CLNK: variants seen among roughly 807,000 people sequenced by gnomAD.
The protein encoded by CLNK is cytokine-dependent hematopoietic cell linker.
Under a neutral mutation model 68.6 loss-of-function variants are expected in CLNK, and 74 were observed. That is an observed-to-expected ratio of 1.08 (90% CI 0.89 to 1.31). The LOEUF (loss-of-function observed/expected upper bound fraction) is 1.31, where lower values mean the gene tolerates loss of function less well. CLNK is among the 50% of genes most tolerant of loss of function. CLNK has a pLI of 0.00. For missense variants in CLNK, 553 were observed against 515.3 expected, an observed-to-expected ratio of 1.07 and a Z score of -0.71; for synonymous variants, 198 against 172.2, an observed-to-expected ratio of 1.15 and a Z score of -1.17.
At chr4:10,634,221 G>T (rs1722994618) in intron 2 of CLNK, among the ~76,000 whole-genome samples, 5 of 152,206 alleles carry the variant, frequency 3.3e-5, no homozygotes, top group Admixed American at 3.3e-4. Flanking sequence ...GAGCCTAGGG[G>T]AGGAAGGTTA....
At chr4:10,521,525 G>A (rs906448758) in intron 14 of CLNK, among the ~76,000 whole-genome samples, 7 of 152,142 alleles carry the variant, frequency 4.6e-5, no homozygotes, top group Non-Finnish European at 1.0e-4. Flanking sequence ...CATGAGTGAT[G>A]CTCTATTCCA....
chr4:10,607,762 A>G (rs1266179795), intron 2 of CLNK, among the ~76,000 whole-genome samples: 2 of 152,216 alleles, frequency 1.3e-5, no homozygotes, highest in South Asian at 2.1e-4. Context: ...GTCCAGGGAC[A>G]GCCAGCTGAA....
intron 18 of CLNK, among the ~76,000 whole-genome samples, chr4:10,494,405 CTT>C (rs1450818853): frequency 1.3e-5 from 2 of 151,376 alleles, no homozygotes; most frequent in South Asian, 2.1e-4. Context: ...GAAATTGTAA[CTT>C]TAACAGGTAG....
At chr4:10,594,772 A>G (rs1674195701) in intron 3 of CLNK, among the ~76,000 whole-genome samples, 1 of 152,182 alleles carries the variant, frequency 6.6e-6, no homozygotes, top group Non-Finnish European at 1.5e-5. Context: ...ATACATACAT[A>G]TACATATACA....
chr4:10,565,123 C>T (rs970631432), intron 6 of CLNK, among the ~76,000 whole-genome samples: 1 of 152,072 alleles, frequency 6.6e-6, no homozygotes, highest in Non-Finnish European at 1.5e-5. Context: ...TTCTATATTA[C>T]ACACTTAGCA....
At chr4:10,491,634 GAC>G (rs34046043) in intron 18 of CLNK, among the ~76,000 whole-genome samples, 34,124 of 152,070 alleles carry the variant, frequency 0.22, 4,260 homozygotes, top group Middle Eastern at 0.28. Context: ...CTTTGTCAAG[GAC>G]ACAGACTTGA....
At chr4:10,611,492 G>T in intron 2 of CLNK, among the ~76,000 whole-genome samples, 1 of 66,580 alleles carries the variant, frequency 1.5e-5, no homozygotes, top group South Asian at 7.4e-4. Flanking sequence ...GGGAGGCTAA[G>T]TCTGAAAAAA....
chr4:10,569,340 C>T (rs764950673), intron 5 of CLNK, among the ~76,000 whole-genome samples: 3 of 152,008 alleles, frequency 2.0e-5, no homozygotes, highest in Non-Finnish European at 4.4e-5. Context: ...AGAGTTCTCT[C>T]TCTCTCTTTC....
intron 12 of CLNK, among the ~76,000 whole-genome samples, chr4:10,529,268 T>C (rs1718437525): frequency 6.6e-6 from 1 of 152,190 alleles, no homozygotes; most frequent in South Asian, 2.1e-4. Context: ...TCTGGGGAGA[T>C]AAAGGTTTAT....
At chr4:10,510,293 T>C (rs934190155) in intron 16 of CLNK, among the ~76,000 whole-genome samples, 3 of 152,148 alleles carry the variant, frequency 2.0e-5, no homozygotes, top group African/African-American at 7.2e-5. Flanking sequence ...AAAAGGAATG[T>C]TTCATTTTGG....
chr4:10,722,036 A>G, the CLNK span, among the ~76,000 whole-genome samples: 1 of 152,130 alleles, frequency 6.6e-6, no homozygotes, highest in South Asian at 2.1e-4. Flanking sequence ...TAGCCAGGCA[A>G]GGTGGCATAC....
chr4:10,541,790 A>G (rs1442545147), intron 10 of CLNK, among the ~76,000 whole-genome samples: 1 of 152,168 alleles, frequency 6.6e-6, no homozygotes, highest in African/African-American at 2.4e-5. Context: ...GTGAAGGTAT[A>G]TTGAATAGAT....
At chr4:10,517,906 T>G (rs1717901928) in intron 15 of CLNK, among the ~76,000 whole-genome samples, 1 of 152,224 alleles carries the variant, frequency 6.6e-6, no homozygotes, top group Non-Finnish European at 1.5e-5. Flanking sequence ...CCTGGTTGTA[T>G]CTTTGTTGAA....
intron 1 of CLNK, among the ~76,000 whole-genome samples, chr4:10,673,715 T>A (rs1724757474): frequency 6.6e-6 from 1 of 151,120 alleles, no homozygotes; most frequent in Non-Finnish European, 1.5e-5. Flanking sequence ...AAATAACTAA[T>A]GTTAATAAAA....
intron 8 of CLNK, among the ~76,000 whole-genome samples, chr4:10,547,285 G>A (rs1417769270): frequency 2.0e-5 from 3 of 152,086 alleles, no homozygotes; most frequent in South Asian, 4.2e-4. Context: ...CTTAACTGTG[G>A]TGAATCTTTT....
chr4:10,667,846 C>A lies in CLNK; in HGVS notation c.11+13G>T, dbSNP rs369929459. 20 of 1,582,638 alleles carry A rather than the reference C, an allele frequency of 1.3e-5. No individual in the cohort carries two copies. Among genetic ancestry groups the A allele is most frequent in the African/African-American group, 5.5e-5 (4 of 73,140 alleles). On this transcript the variant is annotated intron_variant, in intron 2 of 18. Transcript: ENST00000226951. ...AAGGGAACTGGGGCTCACAGTGATC[C>A]CACGGTACTTACTGCCTGTTCATAG...
At chr4:10,649,966 A>G (rs1723663167) in intron 2 of CLNK, among the ~76,000 whole-genome samples, 1 of 152,334 alleles carries the variant, frequency 6.6e-6, no homozygotes, top group African/African-American at 2.4e-5. Flanking sequence ...CAGTCTAGAT[A>G]TTAAAACTAG....
At chr4:10,717,523 G>T in the CLNK span, among the ~76,000 whole-genome samples, 1 of 152,094 alleles carries the variant, frequency 6.6e-6, no homozygotes, top group Non-Finnish European at 1.5e-5. Context: ...TTGAACCCGG[G>T]AGGCAGAGGT....
chr4:10,589,005 T>C (rs186314884), intron 3 of CLNK, among the ~76,000 whole-genome samples: 15 of 152,290 alleles, frequency 9.8e-5, no homozygotes, highest in Non-Finnish European at 2.9e-5. Context: ...GTCCTCAAGA[T>C]ATACTGGACA....
Sources: gnomAD v4.1 joint callset for allele counts (sites outside exome capture counted in the v4.1 genomes callset) on GRCh38, gnomAD v4.1.1 for gene constraint, MANE v1.5 for transcripts, NCBI Gene and HGNC (gene_info 2026-07-23, HGNC 2026-07-21) for gene names.